COL12A1: variants seen among roughly 807,000 people sequenced by gnomAD.
COL12A1 encodes the protein collagen alpha-1(XII) chain.
Under a neutral mutation model 349.7 loss-of-function variants are expected in COL12A1, and 114 were observed. The observed-to-expected ratio is 0.33, with a 90% CI of 0.28 to 0.38. The LOEUF is 0.38. Among genes scored for constraint, COL12A1 ranks in the 10% least tolerant of loss-of-function variants. The pLI is 1.00. For missense variants in COL12A1, 3,284 were observed against 3,756.9 expected, an observed-to-expected ratio of 0.87 and a Z score of 3.29; for synonymous variants, 1,369 against 1,329.0, an observed-to-expected ratio of 1.03 and a Z score of -0.66.
chr6:75,183,874 T>C lies in COL12A1; in HGVS notation c.1268A>G (p.Gln423Arg). ...CTTACCCACTTGAACTTTCATTGGCTGAGTCTTCTCCATTATTGAAATGGG... is the reference window on the plus strand; with the variant it reads ...CTTACCCACTTGAACTTTCATTGGCCGAGTCTTCTCCATTATTGAAATGGG... ...SEPISIMEKT[Q>R]PMKVQVECSR... Residue 423 changes from glutamine to arginine, a missense_variant, in exon 9 of 66, where the codon CAG becomes CGG. Physicochemically the swap from Gln to Arg is conservative, Grantham distance 43. Around this residue, in one of 2 missense-constraint regions of COL12A1, gnomAD observed 2,601 missense variants for 2,824.8 expected, o/e 0.92. Transcript: ENST00000322507. The C allele has an allele frequency of 6.2e-7, 1 of 1,614,150 alleles. No homozygotes were observed.
In COL12A1 at chr6:75,124,333, C is replaced by A; in HGVS notation, c.6646G>T (p.Gly2216Trp). 1 of 1,613,154 alleles carries A rather than the reference C, an allele frequency of 6.2e-7. No individual in the cohort carries two copies. Among genetic ancestry groups the A allele is most frequent in the Non-Finnish European group, 8.5e-7 (1 of 1,179,494 alleles). The stretch of plus-strand genomic sequence containing the variant: ...CATTTGACACAGAATGTATCCCACC[C>A]AATCTGGTAAGTTTTCAGATCTGTT... Reference protein sequence around the residue: ...NVTDLKTYQIGWDTFCVKWSP... With the variant: ...NVTDLKTYQIWWDTFCVKWSP... Residue 2216 changes from glycine (G) to tryptophan (W), a missense_variant, in exon 41 of 66, where the codon GGG (glycine) becomes TGG (tryptophan). Gly to Trp is a radical substitution (Grantham distance 184). Coordinates refer to ENST00000322507, the MANE Select transcript of COL12A1 (RefSeq NM_004370.6).
chr6:75,123,509 G>A (rs748295668), intron 42 of COL12A1, 105 bp from the exon 43 acceptor site: 26 of 922,930 alleles, frequency 2.8e-5, no homozygotes, highest in Non-Finnish European at 3.6e-5. Context: ...AAATCAAGTC[G>A]TACAAAATGA....
At chr6:75,129,385 A>G (rs1459334777) in intron 37 of COL12A1, among the ~76,000 whole-genome samples, 1 of 152,254 alleles carries the variant, frequency 6.6e-6, no homozygotes, top group African/African-American at 2.4e-5. Flanking sequence ...GGCAAACCAC[A>G]GACCTAATTT....
chr6:75,087,866 G>T (rs1346040345), intron 64 of COL12A1, 119 bp from the exon 65 acceptor site: 1 of 1,065,124 alleles, frequency 9.4e-7, no homozygotes, highest in Non-Finnish European at 1.3e-6. Flanking sequence ...ACTATTGTAT[G>T]GTAAGAAAAT....
chr6:75,162,226 C>T (rs1364961823), intron 14 of COL12A1, among the ~76,000 whole-genome samples: 1 of 152,162 alleles, frequency 6.6e-6, no homozygotes, highest in Admixed American at 6.5e-5. Flanking sequence ...AAGCTGGAGG[C>T]ATCAAGCTAC....
At position 75,125,214 on chromosome 6, in the gene COL12A1, G is replaced by A; in HGVS notation, c.6520C>T (p.Leu2174Phe). Residue 2174 changes from leucine (L) to phenylalanine (F), a missense_variant, in exon 40 of 66, where the codon CTC (leucine) becomes TTC (phenylalanine). By Grantham distance (22) the Leu-to-Phe change is conservative. Coordinates refer to ENST00000322507, the MANE Select transcript of COL12A1 (RefSeq NM_004370.6). ...GEMTSYTLHN[L>F]NPSTTYDVNV... ...ACATCGTAGGTGGTGCTGGGATTGA[G>A]ATTGTGTAAGGTATATGATGTCATT... The A allele has an allele frequency of 6.2e-7, 1 of 1,612,348 alleles. No homozygotes were observed. Among genetic ancestry groups the A allele is most frequent in the Non-Finnish European group, 8.5e-7 (1 of 1,178,954 alleles).
At chr6:75,157,770 C>A (rs1177906568) in intron 14 of COL12A1, among the ~76,000 whole-genome samples, 1 of 151,976 alleles carries the variant, frequency 6.6e-6, no homozygotes. Flanking sequence ...TGTAAGAAAA[C>A]CACCCAAAAC....
chr6:75,193,591 T>A (rs1021684628), intron 3 of COL12A1, among the ~76,000 whole-genome samples: 3 of 152,192 alleles, frequency 2.0e-5, no homozygotes, highest in Admixed American at 1.3e-4. Context: ...TACTATTTTT[T>A]AAATTATACT....
At chr6:75,182,464 T>C (rs1173742001) in intron 10 of COL12A1, among the ~76,000 whole-genome samples, 1 of 152,098 alleles carries the variant, frequency 6.6e-6, no homozygotes, top group African/African-American at 2.4e-5. Context: ...ATGCAGTGTT[T>C]GGTTTTCTGT....
At chr6:75,125,038 A>G (rs1256615335) in intron 40 of COL12A1, 89 bp downstream of exon 40, 1 of 1,296,350 alleles carries the variant, frequency 7.7e-7, no homozygotes, top group Non-Finnish European at 1.0e-6. Context: ...GGAAACATGT[A>G]TATGTTCAGA....
At chr6:75,127,998 A>G (rs1037100011) in intron 38 of COL12A1, among the ~76,000 whole-genome samples, 2 of 152,196 alleles carry the variant, frequency 1.3e-5, no homozygotes, top group African/African-American at 4.8e-5. Flanking sequence ...TTGAAACATT[A>G]TTCAGAGAAT....
At chr6:75,159,914 A>T (rs1562249052) in intron 14 of COL12A1, among the ~76,000 whole-genome samples, 1 of 152,142 alleles carries the variant, frequency 6.6e-6, no homozygotes, top group African/African-American at 2.4e-5. Flanking sequence ...TAACAGCCAA[A>T]AGTGATATCT....
intron 34 of COL12A1, 113 bp downstream of exon 34, chr6:75,133,180 T>A (rs1339293388): frequency 9.6e-7 from 1 of 1,045,594 alleles, no homozygotes; most frequent in Non-Finnish European, 1.3e-6. Context: ...ATTTTTATGT[T>A]TTTAATTCTA....
rs1449871841 is a variant in COL12A1, at chr6:75,115,959, T to C, written c.7559-37A>G. The C allele has an allele frequency of 3.1e-6, 5 of 1,612,364 alleles. No homozygotes were observed. In the Middle Eastern group the frequency reaches 5.0e-4, roughly 161 times the overall value. On this transcript the variant is annotated intron_variant, in intron 48 of 65. Transcript: ENST00000322507. ...AAAAGAAAATATTAAACGGAGTACA[T>C]TTTAATTATTTTATTGCTTAAATCT...
Position 75,119,230 on chromosome 6 carries a change from A to T in COL12A1, c.7211-44T>A, listed in dbSNP as rs374742850. 7 of 1,613,286 alleles carry T rather than the reference A, an allele frequency of 4.3e-6. No homozygotes were observed. In the African/African-American group the frequency reaches 9.3e-5, roughly 22 times the overall value. On this transcript the variant is annotated intron_variant, in intron 45 of 65. Transcript: ENST00000322507. The stretch of plus-strand genomic sequence containing the variant: ...AAAATTTTAGTGTCACTTCAGTGAA[A>T]ACTACCCAAATGCCATTAGTCACAC...
intron 38 of COL12A1, among the ~76,000 whole-genome samples, chr6:75,127,883 A>T (rs768919395): frequency 6.6e-6 from 1 of 152,182 alleles, no homozygotes; most frequent in African/African-American, 2.4e-5. Flanking sequence ...ATGATTGCTC[A>T]TCATCTCATT....
In COL12A1 at chr6:75,095,186, C is replaced by G; in HGVS notation, c.8578-7G>C. ...CTGGGGAGCCTGGGCTTCCCTACAA[C>G]ACATGGAAAGGGAAGGGGACTGTTA... On this transcript the variant is annotated splice_polypyrimidine_tract_variant and splice_region_variant and intron_variant, in intron 59 of 65. Transcript: ENST00000322507. 1 of 1,611,762 alleles carries G rather than the reference C, an allele frequency of 6.2e-7. No individual in the cohort carries two copies. The highest frequency in any genetic ancestry group is 8.5e-7 in the Non-Finnish European group (1 of 1,178,246).
At chr6:75,125,008 G>T in intron 40 of COL12A1, 119 bp downstream of exon 40, 3 of 836,230 alleles carry the variant, frequency 3.6e-6, no homozygotes, top group Non-Finnish European at 5.0e-6. Context: ...ACACAAAATA[G>T]CCTGCCTACA....
At chr6:75,127,879 G>A (rs1025031795) in intron 38 of COL12A1, among the ~76,000 whole-genome samples, 1 of 152,038 alleles carries the variant, frequency 6.6e-6, no homozygotes, top group African/African-American at 2.4e-5. Context: ...GAAAATGATT[G>A]CTCATCATCT....
Sources: allele counts gnomAD v4.1 joint callset (sites outside exome capture counted in the v4.1 genomes callset), GRCh38; gene constraint gnomAD v4.1.1; regional missense constraint gnomAD v4.1.1; transcripts MANE v1.5; gene names NCBI Gene and HGNC (gene_info 2026-07-23, HGNC 2026-07-21).